Variants in AKAP11 observed in about 807,000 individuals in gnomAD.
AKAP11 encodes the protein A-kinase anchor protein 11.
A neutral mutation model predicts 146.1 loss-of-function variants in AKAP11; 36 were observed. The ratio of observed to expected loss-of-function variants is 0.25; its 90% CI spans 0.19 to 0.33. The LOEUF (loss-of-function observed/expected upper bound fraction) is 0.33. Among genes scored for constraint, AKAP11 ranks in the 10% least tolerant of loss-of-function variants. The pLI is 1.00. For missense variants in AKAP11, 2,201 were observed against 2,197.0 expected (o/e 1.00, Z -0.04); for synonymous variants, 780 against 786.5 (o/e 0.99, Z 0.14).
At chr13:42,299,287 T>A in intron 7 of AKAP11, 76 bp from the exon 8 acceptor site, 2 of 1,259,876 alleles carry the variant, frequency 1.6e-6, no homozygotes, top group East Asian at 2.5e-5. Flanking sequence ...TAAAGTCAGT[T>A]TATTCCATGG....
At position 42,321,592 on chromosome 13, in the gene AKAP11, T is replaced by G. The variant is rs9533065; in HGVS notation, c.*2364T>G. ...GTCAAAATTCCTCATATAGAGAAAATAATTTTGAGTTTAGAGTATTATCTT... is the reference window on the plus strand; with the variant it reads ...GTCAAAATTCCTCATATAGAGAAAAGAATTTTGAGTTTAGAGTATTATCTT... On this transcript the variant is annotated 3_prime_UTR_variant, in exon 13 of 13. Transcript: ENST00000025301. 0.13 allele frequency: 19,500 copies of G among 152,212 alleles called. 1,393 individuals carry two copies. The highest frequency in any genetic ancestry group is 0.2 in the South Asian group (981 of 4,822). The allele number at this position is 152,212 out of a possible 1,614,324, so 9.4% of individuals were successfully genotyped here. A position where few individuals can be genotyped will look rare whatever the true frequency, so the allele number is the denominator to read the frequency against.
intron 3 of AKAP11, among the ~76,000 whole-genome samples, chr13:42,286,866 G>A (rs1959170862): frequency 6.6e-6 from 1 of 152,080 alleles, no homozygotes; most frequent in Admixed American, 6.5e-5. Context: ...AAAACAATTT[G>A]GTTAACCTTC....
rs150108206 is a variant in AKAP11, at chr13:42,300,454, C to G, written c.1708C>G (p.Gln570Glu). The change falls in exon 8 of 13, where the codon CAG (glutamine) becomes GAG (glutamate). Residue 570 changes from glutamine (Q) to glutamate (E), a missense_variant. Physicochemically the swap from Gln to Glu is conservative, Grantham distance 29. This residue lies in a region of AKAP11 where 1,867 missense variants were observed against 1,833.5 expected (regional missense o/e 1.02). Coordinates refer to ENST00000025301, the MANE Select transcript of AKAP11 (RefSeq NM_016248.4). ...TTTTGGCAGTGCATTTAAAGACTTACAGAAAGGAGTCTCTTCATGTACCAA... is the reference window on the plus strand; with the variant it reads ...TTTTGGCAGTGCATTTAAAGACTTAGAGAAAGGAGTCTCTTCATGTACCAA... ...KSFGSAFKDL[Q>E]KGVSSCTNAL... The G allele has an allele frequency of 8.7e-6, 14 of 1,613,844 alleles. No homozygotes were observed. In the South Asian group the frequency reaches 8.8e-5, roughly 10 times the overall value.
chr13:42,297,076 C>A lies in AKAP11; in HGVS notation c.245C>A (p.Pro82Gln). The A allele has an allele frequency of 6.3e-7, 1 of 1,588,840 alleles. No individual in the cohort carries two copies. The highest frequency in any genetic ancestry group is 8.5e-7 in the Non-Finnish European group (1 of 1,169,960). Residue 82 changes from proline (P) to glutamine (Q), a missense_variant, in exon 6 of 13, where the codon CCA becomes CAA. By Grantham distance (76) the Pro-to-Gln change is moderately conservative (BLOSUM62 -1). This residue lies in a region of AKAP11 where 331 missense variants were observed against 347.4 expected (regional missense o/e 0.95). Transcript: ENST00000025301. Reference protein sequence around the residue: ...QDLAAVSLELPDILNSLHFCS... With the variant: ...QDLAAVSLELQDILNSLHFCS... ...TTAGCTGCAGTTTCTTTGGAACTTC[C>A]AGATATTCTGAATTCACTCCACTTC... is the stretch of plus-strand genomic sequence containing the variant.
At chr13:42,290,652 A>AT (rs965333868) in intron 3 of AKAP11, among the ~76,000 whole-genome samples, 4 of 152,158 alleles carry the variant, frequency 2.6e-5, no homozygotes, top group Non-Finnish European at 4.4e-5. Flanking sequence ...GGACTCACAG[A>AT]TTTTTTTTAA....
rs751235923 is a variant in AKAP11 at position 42,303,381 on chromosome 13, A to G, written c.4635A>G (p.Lys1545=). Residue 1545 remains lysine, a synonymous_variant, in exon 8 of 13, where the codon AAA becomes AAG. Coordinates refer to ENST00000025301, the MANE Select transcript of AKAP11 (RefSeq NM_016248.4). ...TTCAAGCTGTAGAACAGTATGCCAA[A>G]AAAGTAGTGGATGACACTCTAGAGC... is the stretch of plus-strand genomic sequence containing the variant. The part of the protein sequence containing the change: ...NVVQAVEQYA[K]KVVDDTLELT... 9 of 1,613,620 alleles carry G rather than the reference A, an allele frequency of 5.6e-6. No homozygotes were observed. Among genetic ancestry groups the G allele is most frequent in the Admixed American group, 5.0e-5 (3 of 60,008 alleles).
chr13:42,281,984 T>C (rs9315904), intron 1 of AKAP11, among the ~76,000 whole-genome samples: 54,721 of 148,750 alleles, frequency 0.37, 10,255 homozygotes, highest in East Asian at 0.61. Flanking sequence ...TTCTTTCTTT[T>C]TTTTTTTTTT....
intron 8 of AKAP11, among the ~76,000 whole-genome samples, chr13:42,304,839 C>T (rs1960169164): frequency 6.6e-6 from 1 of 152,010 alleles, no homozygotes; most frequent in Non-Finnish European, 1.5e-5. Flanking sequence ...CAACCTTTGC[C>T]TCCCGGGTTC....
At position 42,302,971 on chromosome 13, in the gene AKAP11, C is replaced by T; in HGVS notation, c.4225C>T (p.Leu1409=). 1 of 1,613,610 alleles carries T rather than the reference C, an allele frequency of 6.2e-7. No individual in the cohort carries two copies. The highest frequency in any genetic ancestry group is 8.5e-7 in the Non-Finnish European group (1 of 1,179,948). ...TTCACAAGTGAAAACAAACAAGGAACTGTTAATGTTTTCAAACAAAGAGCA... is the reference window on the plus strand; with the variant it reads ...TTCACAAGTGAAAACAAACAAGGAATTGTTAATGTTTTCAAACAAAGAGCA... ...PSSQVKTNKE[L]LMFSNKEHHQ... Residue 1409 remains leucine, a synonymous_variant, in exon 8 of 13, where the codon CTG becomes TTG. Coordinates refer to ENST00000025301, the MANE Select transcript of AKAP11 (RefSeq NM_016248.4).
At chr13:42,277,295 T>G (rs1172080174) in intron 1 of AKAP11, among the ~76,000 whole-genome samples, 1 of 152,244 alleles carries the variant, frequency 6.6e-6, no homozygotes, top group African/African-American at 2.4e-5. Flanking sequence ...CTAATGAGTT[T>G]TTTATTATGA....
chr13:42,303,765 C>T lies in AKAP11; in HGVS notation c.5019C>T (p.Ala1673=), dbSNP rs201525107. The T allele has an allele frequency of 1.1e-5, 18 of 1,614,052 alleles. No homozygotes were observed. In the East Asian group the frequency reaches 2.5e-4, roughly 22 times the overall value. Residue 1673 remains alanine, a synonymous_variant, in exon 8 of 13, where the codon GCC becomes GCT. Coordinates refer to ENST00000025301, the MANE Select transcript of AKAP11 (RefSeq NM_016248.4). Reference sequence around the variant, plus strand: ...AGCTGAGCAGTACCAGCCTGGCAGCCGACAGTGGGATCGGACAGGAGGGTG... The same window carrying T: ...AGCTGAGCAGTACCAGCCTGGCAGCTGACAGTGGGATCGGACAGGAGGGTG... ...ERELSSTSLA[A]DSGIGQEGAS...
At chr13:42,272,814 A>G (rs1958810892) in intron 1 of AKAP11, among the ~76,000 whole-genome samples, 1 of 152,212 alleles carries the variant, frequency 6.6e-6, no homozygotes, top group African/African-American at 2.4e-5. Flanking sequence ...TTAATGGCTT[A>G]AGGCTGGCCA....
At chr13:42,277,720 A>G (rs1958960089) in intron 1 of AKAP11, among the ~76,000 whole-genome samples, 1 of 152,214 alleles carries the variant, frequency 6.6e-6, no homozygotes, top group Admixed American at 6.5e-5. Flanking sequence ...TCTTCACCGT[A>G]CAGCTCGTTC....
chr13:42,320,100 T>A lies in AKAP11; in HGVS notation c.*872T>A, dbSNP rs1961021137. 1 of 152,402 alleles carries A rather than the reference T, an allele frequency of 6.6e-6. No individual in the cohort carries two copies. Among genetic ancestry groups the A allele is most frequent in the African/African-American group, 2.4e-5 (1 of 41,266 alleles). 9.4% of individuals were successfully genotyped at this position (152,402 alleles called of 1,614,324 possible). Reference sequence around the variant, plus strand: ...GAATTTTTATTGACAATAATTAAAATTTTTTTTGACAATTTTGGGTTCCCA... The same window carrying A: ...GAATTTTTATTGACAATAATTAAAAATTTTTTTGACAATTTTGGGTTCCCA... On this transcript the variant is annotated 3_prime_UTR_variant, in exon 13 of 13. Coordinates refer to ENST00000025301, the MANE Select transcript of AKAP11 (RefSeq NM_016248.4).
chr13:42,278,154 ACT>A (rs1958972748), intron 1 of AKAP11, among the ~76,000 whole-genome samples: 1 of 152,072 alleles, frequency 6.6e-6, no homozygotes, highest in Admixed American at 6.5e-5. Context: ...AGATTGAGAA[ACT>A]CTGTAGCGGT....
rs1479163126 is a variant in AKAP11 at position 42,299,602 on chromosome 13, A to C, written c.856A>C (p.Asn286His). The C allele has an allele frequency of 1.2e-6, 2 of 1,614,018 alleles. No homozygotes were observed. The highest frequency in any genetic ancestry group is 2.2e-5 in the South Asian group (2 of 91,080). ...WTQRSFYRSS[N>H]ASDKDSDLQK... ...CCAAAGGAGTTTCTATAGGTCATCT[A>C]ATGCTTCAGATAAAGATAGTGATTT... The change falls in exon 8 of 13, where the codon AAT (asparagine) becomes CAT (histidine). Residue 286 changes from asparagine to histidine, a missense_variant. Physicochemically the swap from Asn to His is moderately conservative, Grantham distance 68. Transcript: ENST00000025301.
chr13:42,279,408 A>G (rs988282173), intron 1 of AKAP11, among the ~76,000 whole-genome samples: 3 of 152,024 alleles, frequency 2.0e-5, no homozygotes, highest in Non-Finnish European at 4.4e-5. Flanking sequence ...TTGTCTCTCC[A>G]TGTTTCATTT....
chr13:42,287,575 C>T (rs187404533), intron 3 of AKAP11, among the ~76,000 whole-genome samples: 17 of 152,166 alleles, frequency 1.1e-4, no homozygotes, highest in African/African-American at 3.9e-4. Flanking sequence ...TGAGCCACTG[C>T]GTCTGGCCAA....
chr13:42,291,449 C>T (rs149360008), intron 3 of AKAP11, among the ~76,000 whole-genome samples: 3 of 152,184 alleles, frequency 2.0e-5, no homozygotes, highest in Non-Finnish European at 2.9e-5. Flanking sequence ...GACGGGCTTT[C>T]GCTATGTTGG....
Sources: allele counts gnomAD v4.1 joint callset (sites outside exome capture counted in the v4.1 genomes callset), GRCh38; gene constraint gnomAD v4.1.1; regional missense constraint gnomAD v4.1.1; transcripts MANE v1.5; gene names NCBI Gene and HGNC (gene_info 2026-07-23, HGNC 2026-07-21).